Variants in PCDHGA6 observed in about 807,000 individuals in gnomAD.
The protein encoded by PCDHGA6 is protocadherin gamma subfamily A, 6.
In PCDHGA6, 41 loss-of-function variants were observed where a neutral mutation model predicts 60.6. The observed-to-expected ratio is 0.68, with a 90% CI of 0.53 to 0.88. The LOEUF (loss-of-function observed/expected upper bound fraction) is 0.88, where lower values mean the gene tolerates loss of function less well. Ranked by LOEUF, PCDHGA6 falls within the 40% of genes least tolerant of loss-of-function variation. The pLI is 0.00. For missense variants in PCDHGA6, 1,312 were observed against 1,203.0 expected (o/e 1.09, Z -1.34); for synonymous variants, 594 against 524.4 (o/e 1.13, Z -1.81).
At chr5:141,443,953 T>C (rs1373953428) in intron 1 of PCDHGA6, among the ~76,000 whole-genome samples, 1 of 152,142 alleles carries the variant, frequency 6.6e-6, no homozygotes, top group Non-Finnish European at 1.5e-5. Context: ...CTTATTGGTA[T>C]GTATTCTGTG....
At chr5:141,480,085 A>G (rs2099512286) in intron 1 of PCDHGA6, among the ~76,000 whole-genome samples, 1 of 152,216 alleles carries the variant, frequency 6.6e-6, no homozygotes, top group Admixed American at 6.5e-5. Context: ...TGCATGATAT[A>G]ATGTATGCAA....
intron 1 of PCDHGA6, chr5:141,418,454 A>G (rs1211470387): frequency 3.1e-6 from 5 of 1,613,774 alleles, no homozygotes; most frequent in Non-Finnish European, 3.4e-6. Flanking sequence ...ATTGCAGAAG[A>G]CTCTGGACCG....
intron 1 of PCDHGA6, among the ~76,000 whole-genome samples, chr5:141,455,549 C>G (rs911113181): frequency 1.3e-5 from 2 of 152,042 alleles, no homozygotes; most frequent in Non-Finnish European, 2.9e-5. Flanking sequence ...TCACGTAGCC[C>G]GAGAAAAAGC....
chr5:141,399,755 G>C (rs1420211451), intron 1 of PCDHGA6: 1 of 1,613,232 alleles, frequency 6.2e-7, no homozygotes, highest in Non-Finnish European at 8.5e-7. Context: ...GCAAACGTGA[G>C]CCTGCGCGTG....
chr5:141,384,152 A>T (rs1588962194), intron 1 of PCDHGA6: 2 of 1,613,508 alleles, frequency 1.2e-6, no homozygotes, highest in Non-Finnish European at 1.7e-6. Flanking sequence ...CTCTCTTTGT[A>T]TAACATCACA....
intron 1 of PCDHGA6, chr5:141,389,544 A>G (rs759523366): frequency 1.2e-6 from 2 of 1,613,260 alleles, no homozygotes; most frequent in Non-Finnish European, 1.7e-6. Context: ...GGACGACCGC[A>G]ACGACAATGC....
chr5:141,505,625 C>T, intron 3 of PCDHGA6, 144 bp downstream of exon 3: 1 of 1,489,114 alleles, frequency 6.7e-7, no homozygotes, highest in Non-Finnish European at 9.0e-7. Context: ...CCCACAATTC[C>T]AAACATAAAG....
At chr5:141,399,562 T>TTGAACGGCCAAGTCTCCTACTCTATCA in intron 1 of PCDHGA6, 1 of 1,614,016 alleles carries the variant, frequency 6.2e-7, no homozygotes, top group Non-Finnish European at 8.5e-7. Context: ...GGACTTGGGG[T>TTGAACGGCCAAGTCTCCTACTCTATCA]TGAACGGCCA....
chr5:141,394,083 G>T, intron 1 of PCDHGA6: 1 of 1,613,826 alleles, frequency 6.2e-7, no homozygotes, highest in Non-Finnish European at 8.5e-7. Flanking sequence ...CACAGTGATG[G>T]CCTCAGATCT....
At chr5:141,388,387 A>G (rs746929136) in intron 1 of PCDHGA6, 5 of 1,614,034 alleles carry the variant, frequency 3.1e-6, no homozygotes, top group South Asian at 2.2e-5. Flanking sequence ...AACACACTGC[A>G]GAATTACCAA....
intron 1 of PCDHGA6, chr5:141,418,983 A>T: frequency 6.2e-7 from 1 of 1,613,900 alleles, no homozygotes; most frequent in Admixed American, 1.7e-5. Context: ...CGGGACCAAG[A>T]CTCAGGGGAA....
chr5:141,511,233 TACCTGC>T lies in PCDHGA6; in HGVS notation c.*64_*69del. 4 of 1,595,428 alleles carry T rather than the reference TACCTGC, an allele frequency of 2.5e-6. No individual in the cohort carries two copies. The highest frequency in any genetic ancestry group is 3.4e-6 in the Non-Finnish European group (4 of 1,170,894). ...CTCCCCAACCAGCCCAGCTTCTCCT[TACCTGC>T]ACCCAGGCCTCAGAGTTTCAGGGCT... On this transcript the variant is annotated 3_prime_UTR_variant, in exon 4 of 4. Transcript: ENST00000517434.
intron 1 of PCDHGA6, chr5:141,430,592 C>A (rs2097296542): frequency 1.8e-6 from 1 of 544,568 alleles, no homozygotes; most frequent in Non-Finnish European, 2.9e-6. Flanking sequence ...TCGCCTTGCA[C>A]GCGCCTGAAG....
chr5:141,441,762 C>A (rs3805697), intron 1 of PCDHGA6: 10 of 374,012 alleles, frequency 2.7e-5, no homozygotes, highest in Non-Finnish European at 2.2e-5. Flanking sequence ...CGTGAGCCTG[C>A]GCGTGTTGGT....
rs765972156 is a variant in PCDHGA6, at chr5:141,432,960, G to A, written c.2424+56453G>A. 3.1e-6 allele frequency: 5 copies of A among 1,614,070 alleles called. No individual in the cohort carries two copies. The East Asian group carries it at 6.7e-5, about 22-fold the overall frequency. On this transcript the variant is annotated intron_variant, in intron 1 of 3. Transcript: ENST00000517434. This position sits in a 1 kb window ranked among gnomAD's most constrained non-coding sequence, Gnocchi z 6.0. ...CAGGCTTCAGGAGGCGGCTTGACAG[G>A]AGCGCCGGCGTCGCACTTTGTGGGC...
intron 1 of PCDHGA6, among the ~76,000 whole-genome samples, chr5:141,381,166 C>A (rs1402987548): frequency 6.6e-6 from 1 of 152,204 alleles, no homozygotes; most frequent in Non-Finnish European, 1.5e-5. Context: ...ACTTAGGAGC[C>A]TCCCACAAAA....
At chr5:141,466,871 T>G (rs1432611218) in intron 1 of PCDHGA6, among the ~76,000 whole-genome samples, 1 of 152,166 alleles carries the variant, frequency 6.6e-6, no homozygotes, top group Admixed American at 6.5e-5. Flanking sequence ...ATCCACACAT[T>G]TTTTTCATAA....
Position 141,511,208 on chromosome 5 carries a change from C to T in PCDHGA6, c.*35C>T, listed in dbSNP as rs1278180818. 27 of 1,610,922 alleles carry T rather than the reference C, an allele frequency of 1.7e-5. No individual in the cohort carries two copies. Among genetic ancestry groups the T allele is most frequent in the Non-Finnish European group, 2.3e-5 (27 of 1,178,572 alleles). ...CAGGCCAAGAGCCACAGGGCGGCCT[C>T]TCCCCAACCAGCCCAGCTTCTCCTT... On this transcript the variant is annotated 3_prime_UTR_variant, in exon 4 of 4. Coordinates refer to ENST00000517434, the MANE Select transcript of PCDHGA6 (RefSeq NM_018919.3).
In PCDHGA6 at chr5:141,485,051, CCGAACCGCG is replaced by C. The variant is rs2099605816; in HGVS notation, c.2425-9754_2425-9746del. On this transcript the variant is annotated intron_variant, in intron 1 of 3. Coordinates refer to ENST00000517434, the MANE Select transcript of PCDHGA6 (RefSeq NM_018919.3). This position sits in a 1 kb window ranked among gnomAD's most constrained non-coding sequence, Gnocchi z 5.7. ...CGGCGCGTAACCCTTGCGGCGCCGG[CCGAACCGCG>C]CCAGAGCTGGCGCGGGGAAAGGGAG... 1.2e-6 allele frequency: 1 copy of C among 801,304 alleles called. No individual in the cohort carries two copies. Among genetic ancestry groups the C allele is most frequent in the East Asian group, 2.5e-5 (1 of 40,224 alleles). 49.6% of individuals were successfully genotyped at this position (801,304 alleles called of 1,614,324 possible). A position where few individuals can be genotyped will look rare whatever the true frequency, so the allele number is the denominator to read the frequency against.
Sources: allele counts gnomAD v4.1 joint callset (sites outside exome capture counted in the v4.1 genomes callset), GRCh38; gene constraint gnomAD v4.1.1; non-coding constraint Gnocchi (gnomAD v3.1); transcripts MANE v1.5; gene names NCBI Gene and HGNC (gene_info 2026-07-23, HGNC 2026-07-21).